Variants in RIMS1 observed in about 807,000 individuals in gnomAD.
RIMS1 encodes regulating synaptic membrane exocytosis 1, also known as regulating synaptic membrane exocytosis protein 1.
Under a neutral mutation model 214.1 loss-of-function variants are expected in RIMS1, and 83 were observed. The observed-to-expected ratio is 0.39, with a 90% CI of 0.32 to 0.47. The LOEUF is 0.47. RIMS1 is among the 20% of genes least tolerant of loss of function. RIMS1 has a pLI of 0.99. For synonymous variants in RIMS1, 793 were observed against 786.8 expected (o/e 1.01, Z -0.13); for missense variants, 2,050 against 2,161.8 (o/e 0.95, Z 1.03).
chr6:72,242,947 T>C (rs868616246), intron 10 of RIMS1, among the ~76,000 whole-genome samples: 4 of 151,838 alleles, frequency 2.6e-5, no homozygotes, highest in Non-Finnish European at 5.9e-5. Context: ...ATTTTAACAT[T>C]TTAATTGGTC....
At chr6:72,055,716 A>G (rs188409387) in intron 2 of RIMS1, among the ~76,000 whole-genome samples, 2 of 152,332 alleles carry the variant, frequency 1.3e-5, no homozygotes, top group East Asian at 3.9e-4. Context: ...ATAATGAGAT[A>G]TCATCTCACT....
intron 10 of RIMS1, among the ~76,000 whole-genome samples, chr6:72,244,484 A>G (rs761732860): frequency 4.0e-5 from 6 of 151,856 alleles, no homozygotes; most frequent in Non-Finnish European, 8.9e-5. Context: ...TTCTGATTTC[A>G]TAATGGACTA....
chr6:71,930,190 T>C (rs1401312765), intron 1 of RIMS1, among the ~76,000 whole-genome samples: 3 of 152,056 alleles, frequency 2.0e-5, no homozygotes, highest in Admixed American at 1.3e-4. Context: ...TTCTCACTCT[T>C]TGCCAACTGA....
intron 29 of RIMS1, among the ~76,000 whole-genome samples, chr6:72,371,675 TG>T: frequency 6.6e-6 from 1 of 152,254 alleles, no homozygotes; most frequent in South Asian, 2.1e-4. Context: ...CGTCCTGAAG[TG>T]CTGGCCAGCA....
At chr6:72,103,009 G>A (rs1489230903) in intron 4 of RIMS1, among the ~76,000 whole-genome samples, 2 of 151,906 alleles carry the variant, frequency 1.3e-5, no homozygotes, top group Non-Finnish European at 2.9e-5. Context: ...CTTTTTATCT[G>A]GATGTTTTGA....
At chr6:71,965,600 C>T (rs1794215742) in intron 1 of RIMS1, among the ~76,000 whole-genome samples, 3 of 152,136 alleles carry the variant, frequency 2.0e-5, no homozygotes, top group African/African-American at 7.2e-5. Flanking sequence ...TCATAAAACC[C>T]AGCAGCGCTG....
intron 2 of RIMS1, among the ~76,000 whole-genome samples, chr6:72,070,283 C>G (rs1294578504): frequency 6.6e-6 from 1 of 151,954 alleles, no homozygotes; most frequent in African/African-American, 2.4e-5. Flanking sequence ...TATTTTTATT[C>G]ATATTTCATA....
chr6:71,959,526 A>G (rs1022959803), intron 1 of RIMS1, among the ~76,000 whole-genome samples: 3 of 152,134 alleles, frequency 2.0e-5, no homozygotes, highest in Non-Finnish European at 4.4e-5. Context: ...CAGAAAACTC[A>G]TAGTTGTAAA....
intron 23 of RIMS1, among the ~76,000 whole-genome samples, chr6:72,274,857 A>G (rs188967147): frequency 4.8e-4 from 73 of 152,144 alleles, no homozygotes; most frequent in East Asian, 5.8e-4. Flanking sequence ...ACTTGTTAAC[A>G]ATGAAGTTTA....
chr6:72,180,336 T>C (rs1249030072), intron 5 of RIMS1, among the ~76,000 whole-genome samples: 1 of 152,200 alleles, frequency 6.6e-6, no homozygotes, highest in East Asian at 1.9e-4. Flanking sequence ...TATGCTGAGC[T>C]CTAAAGAGTG....
In RIMS1 at chr6:72,400,640, C is replaced by T. The variant is rs2098829571; in HGVS notation, c.5005C>T (p.Leu1669Phe). The T allele has an allele frequency of 3.7e-6, 6 of 1,613,792 alleles. No homozygotes were observed. The highest frequency in any genetic ancestry group is 1.7e-5 in the Admixed American group (1 of 59,996). The change falls in exon 34 of 34, where the codon CTC becomes TTC. Residue 1669 changes from leucine (L) to phenylalanine (F), a missense_variant. Leu to Phe is a conservative substitution (Grantham distance 22). This residue lies in a region of RIMS1 where 33 missense variants were observed against 40.9 expected (regional missense o/e 0.81). Coordinates refer to ENST00000521978, the MANE Select transcript of RIMS1 (RefSeq NM_014989.7). ...ACCGTCCTCACTGGTGGATCCCACACTCACTCCCCTCACCCGGCGGGCTTC... is the reference window on the plus strand; with the variant it reads ...ACCGTCCTCACTGGTGGATCCCACATTCACTCCCCTCACCCGGCGGGCTTC... ...FPPSSLVDPT[L>F]TPLTRRASQS... is the part of the protein sequence containing the mutation.
intron 2 of RIMS1, among the ~76,000 whole-genome samples, chr6:72,060,002 G>A (rs1225937583): frequency 1.3e-5 from 2 of 151,828 alleles, no homozygotes; most frequent in Non-Finnish European, 2.9e-5. Context: ...GCAATGGCAC[G>A]ATCTCAGCTC....
At position 72,260,840 on chromosome 6, in the gene RIMS1, C is replaced by T. The variant is rs577785732; in HGVS notation, c.3116+73C>T. The T allele has an allele frequency of 5.6e-5, 88 of 1,575,420 alleles. No homozygotes were observed. The South Asian group carries it at 9.7e-4, about 17-fold the overall frequency. On this transcript the variant is annotated intron_variant, in intron 19 of 33. Coordinates refer to ENST00000521978, the MANE Select transcript of RIMS1 (RefSeq NM_014989.7). ...TCCATTCTATTATTCTTCCGTCTCT[C>T]CCTTAGTGGTATTATTACAAGCAAG...
intron 10 of RIMS1, 41 bp from the exon 11 acceptor site, chr6:72,245,774 A>G (rs752661891): frequency 3.3e-6 from 5 of 1,531,802 alleles, no homozygotes; most frequent in Non-Finnish European, 4.5e-6. Context: ...AGGCAGGGTC[A>G]TTTAACTAAT....
chr6:72,258,316 T>C (rs1042232235), intron 17 of RIMS1, 35 bp downstream of exon 17: 1 of 1,570,238 alleles, frequency 6.4e-7, no homozygotes, highest in African/African-American at 1.4e-5. Flanking sequence ...TCCCTGACAG[T>C]ACATTTTTAT....
intron 1 of RIMS1, among the ~76,000 whole-genome samples, chr6:71,925,030 G>C (rs901859314): frequency 6.6e-6 from 1 of 152,118 alleles, no homozygotes; most frequent in Non-Finnish European, 1.5e-5. Context: ...GGTGGTGAAT[G>C]AGCACTCAAG....
intron 2 of RIMS1, among the ~76,000 whole-genome samples, chr6:72,059,364 A>G (rs1827227555): frequency 6.6e-6 from 1 of 151,868 alleles, no homozygotes. Context: ...GTAGCTTGAA[A>G]CCACAGGTTT....
chr6:72,083,748 A>G (rs1438387851), intron 2 of RIMS1, among the ~76,000 whole-genome samples: 4 of 152,144 alleles, frequency 2.6e-5, no homozygotes. Context: ...TGATTATCTC[A>G]ATTAACCCTC....
chr6:72,352,649 C>T (rs2097496438), intron 29 of RIMS1, among the ~76,000 whole-genome samples: 1 of 152,064 alleles, frequency 6.6e-6, no homozygotes, highest in South Asian at 2.1e-4. Context: ...GTTCAGGTGC[C>T]CAGGTTCTTT....
Sources: allele counts gnomAD v4.1 joint callset (sites outside exome capture counted in the v4.1 genomes callset), GRCh38; gene constraint gnomAD v4.1.1; regional missense constraint gnomAD v4.1.1; transcripts MANE v1.5; gene names NCBI Gene and HGNC (gene_info 2026-07-23, HGNC 2026-07-21).